LOXHD1: variants seen among roughly 807,000 people sequenced by gnomAD.
LOXHD1 encodes lipoxygenase homology PLAT domains 1.
Under a neutral mutation model 248.2 loss-of-function variants are expected in LOXHD1, and 205 were observed. The ratio of observed to expected loss-of-function variants is 0.83; its 90% CI spans 0.74 to 0.93. The LOEUF is 0.93. Ranked by LOEUF, LOXHD1 falls within the 40% of genes least tolerant of loss-of-function variation. LOXHD1 has a pLI of 0.00. For missense variants in LOXHD1, 2,930 were observed against 2,971.6 expected (o/e 0.99, Z 0.33); for synonymous variants, 1,113 against 1,162.8 (o/e 0.96, Z 0.87).
intron 8 of LOXHD1, among the ~76,000 whole-genome samples, 168 bp downstream of exon 8, chr18:46,601,049 G>C (rs1462638338): frequency 6.6e-6 from 1 of 152,160 alleles, no homozygotes; most frequent in East Asian, 1.9e-4. Context: ...GACCACTTTT[G>C]AGGCAAGATA....
intron 21 of LOXHD1, chr18:46,556,733 A>AG (rs1209932924): frequency 5.6e-6 from 1 of 178,580 alleles, no homozygotes; most frequent in Non-Finnish European, 1.1e-5. Flanking sequence ...CCAGTGTCAC[A>AG]GCCAGCCCAC....
At chr18:46,648,527 CCAG>C (rs2039062726) in intron 2 of LOXHD1, among the ~76,000 whole-genome samples, 1 of 152,176 alleles carries the variant, frequency 6.6e-6, no homozygotes, top group South Asian at 2.1e-4. Context: ...CTCTGAAATT[CCAG>C]TCGTCTGCTA....
intron 37 of LOXHD1, among the ~76,000 whole-genome samples, chr18:46,500,710 T>C (rs1253700380): frequency 8.5e-5 from 13 of 152,194 alleles, no homozygotes; most frequent in African/African-American, 2.9e-4. Context: ...CCTATCTATA[T>C]TGTAGCTTCC....
intron 8 of LOXHD1, among the ~76,000 whole-genome samples, chr18:46,597,266 G>C (rs917601146): frequency 6.6e-6 from 1 of 151,812 alleles, no homozygotes; most frequent in African/African-American, 2.4e-5. Context: ...GGAAAAAATA[G>C]GGAAAAACAG....
Position 46,639,685 on chromosome 18 carries a change from T to A in LOXHD1, c.442A>T (p.Lys148Ter), listed in dbSNP as rs886044666. Residue 148 changes from lysine (K) to a stop codon, truncating the protein, a stop_gained, in exon 4 of 41, where the codon AAG becomes TAG. Coordinates refer to ENST00000642948, the MANE Select transcript of LOXHD1 (RefSeq NM_001384474.1). LOFTEE classifies it high-confidence loss of function. ...YYFNCNNWLS[K>*]VEGDRQWCRD... ...CACCACTGGCGGTCACCTTCCACCT[T>A]GCTCAGCCAGTTGTTGCAGTTGAAG... 27 of 1,551,644 alleles carry A rather than the reference T, an allele frequency of 1.7e-5. No homozygotes were observed. The highest frequency in any genetic ancestry group is 2.3e-5 in the Non-Finnish European group (26 of 1,147,014).
At chr18:46,599,525 T>C (rs981466434) in intron 8 of LOXHD1, among the ~76,000 whole-genome samples, 6 of 152,194 alleles carry the variant, frequency 3.9e-5, no homozygotes, top group African/African-American at 1.4e-4. Flanking sequence ...AATGTCTTCA[T>C]AGCTCTGAGA....
rs1173961723 is a variant in LOXHD1, at chr18:46,556,997, AG to A, written c.3350+358del. Among the ~76,000 whole-genome samples, 14 of 141,700 alleles carry A rather than the reference AG, an allele frequency of 9.9e-5. No individual in the cohort carries two copies. In the East Asian group the frequency reaches 3.0e-3, roughly 31 times the overall value. 93.0% of individuals were successfully genotyped at this position (141,700 alleles called of 152,430 possible). On this transcript the variant is annotated intron_variant, in intron 21 of 40. Transcript: ENST00000642948. ...CTCATACTCACCCACTCTCATTTTC[AG>A]ATGTCACCCAGTCCACCCTTACTTT...
At position 46,649,144 on chromosome 18, in the gene LOXHD1, T is replaced by C. The variant is rs2039074302; in HGVS notation, c.245+11A>G. On this transcript the variant is annotated intron_variant, in intron 2 of 40. Coordinates refer to ENST00000642948, the MANE Select transcript of LOXHD1 (RefSeq NM_001384474.1). ...GGCCCAGGATCCCACCAAGGCCAAG[T>C]GGGTACTCACTTGCTGGTGAGCTGG... is the stretch of plus-strand genomic sequence containing the variant. 12 of 1,549,688 alleles carry C rather than the reference T, an allele frequency of 7.7e-6. No individual in the cohort carries two copies. In the East Asian group the frequency reaches 2.9e-4, roughly 38 times the overall value.
intron 19 of LOXHD1, 31 bp downstream of exon 19, chr18:46,560,052 T>TTCCCCCCCCC: frequency 2.7e-5 from 12 of 441,126 alleles, no homozygotes; most frequent in East Asian, 7.2e-5. Context: ...GGCCACTCCC[T>TTCCCCCCCCC]CCCCACCCCC....
At chr18:46,521,312 A>G in intron 32 of LOXHD1, 30 bp from the exon 33 acceptor site, 1 of 1,551,120 alleles carries the variant, frequency 6.4e-7, no homozygotes, top group Non-Finnish European at 8.7e-7. Flanking sequence ...ATCTGTGACG[A>G]TCTGGGCACA....
chr18:46,643,903 A>G (rs2064867978), intron 2 of LOXHD1, among the ~76,000 whole-genome samples: 1 of 152,262 alleles, frequency 6.6e-6, no homozygotes, highest in African/African-American at 2.4e-5. Context: ...AAGAAAAGGT[A>G]GGTTAAGACC....
chr18:46,571,487 C>A (rs1453609917), intron 15 of LOXHD1, among the ~76,000 whole-genome samples: 1 of 152,074 alleles, frequency 6.6e-6, no homozygotes, highest in Non-Finnish European at 1.5e-5. Context: ...AACAAATAAA[C>A]AAAAATAAAA....
intron 15 of LOXHD1, among the ~76,000 whole-genome samples, chr18:46,571,047 G>T (rs2037741878): frequency 6.6e-6 from 1 of 152,164 alleles, no homozygotes; most frequent in Admixed American, 6.5e-5. Flanking sequence ...GGGAATAGGG[G>T]TCCTTTTGCC....
At chr18:46,534,272 T>C in intron 27 of LOXHD1, 63 bp downstream of exon 27, 1 of 1,184,746 alleles carries the variant, frequency 8.4e-7, no homozygotes, top group South Asian at 1.3e-5. Context: ...ACAGGGAATT[T>C]GCCTTGAACC....
chr18:46,656,505 G>A (rs544791209), intron 1 of LOXHD1, among the ~76,000 whole-genome samples: 17 of 152,176 alleles, frequency 1.1e-4, no homozygotes, highest in Non-Finnish European at 1.9e-4. Context: ...TGAGCTGTCA[G>A]GCTTCCTCCC....
Position 46,563,046 on chromosome 18 carries a change from G to A in LOXHD1, c.2598+19C>T, listed in dbSNP as rs369708729. ...CACTGAGCCTGCTGTTGGCACCCCC[G>A]CTCCTCGACCCCACATACCTGGAAT... is the stretch of plus-strand genomic sequence containing the variant. On this transcript the variant is annotated intron_variant, in intron 18 of 40. Transcript: ENST00000642948. 173 of 1,523,928 alleles carry A rather than the reference G, an allele frequency of 1.1e-4. No homozygotes were observed. Among genetic ancestry groups the A allele is most frequent in the Middle Eastern group, 3.8e-4 (2 of 5,276 alleles). 94.4% of individuals were successfully genotyped at this position (1,523,928 alleles called of 1,614,324 possible).
chr18:46,641,069 C>T (rs991265317), intron 3 of LOXHD1, among the ~76,000 whole-genome samples: 1 of 152,164 alleles, frequency 6.6e-6, no homozygotes, highest in Non-Finnish European at 1.5e-5. Flanking sequence ...TTTACTCACA[C>T]AATGACACCC....
At chr18:46,563,983 A>C (rs112386610) in intron 17 of LOXHD1, among the ~76,000 whole-genome samples, 6,519 of 152,302 alleles carry the variant, frequency 0.043, 237 homozygotes, top group Non-Finnish European at 0.053. Flanking sequence ...AAAGACGAAA[A>C]GCAATTATCA....
chr18:46,480,747 G>T (rs2032492635), intron 40 of LOXHD1, among the ~76,000 whole-genome samples: 1 of 152,168 alleles, frequency 6.6e-6, no homozygotes, highest in African/African-American at 2.4e-5. Context: ...TGTGAACATT[G>T]TGTATTAGAA....
Sources: allele counts gnomAD v4.1 joint callset (sites outside exome capture counted in the v4.1 genomes callset), GRCh38; gene constraint gnomAD v4.1.1; transcripts MANE v1.5; gene names NCBI Gene and HGNC (gene_info 2026-07-23, HGNC 2026-07-21).